Variants in NSUN6 observed in about 807,000 individuals in gnomAD.
The protein encoded by NSUN6 is tRNA (cytosine(72)-C(5))-methyltransferase NSUN6.
A neutral mutation model predicts 58.0 loss-of-function variants in NSUN6; 64 were observed. The ratio of observed to expected loss-of-function variants is 1.10; its 90% CI spans 0.90 to 1.36. The LOEUF (loss-of-function observed/expected upper bound fraction) is 1.36. Ranked by LOEUF, NSUN6 falls within the 40% of genes most tolerant of loss-of-function variation. The pLI, the probability that NSUN6 is intolerant of heterozygous loss-of-function variation, is 0.00. For missense variants in NSUN6, 701 were observed against 550.1 expected (o/e 1.27, Z -2.74); for synonymous variants, 231 against 193.9 (o/e 1.19, Z -1.59).
At chr10:18,653,909 G>A (rs936642805), upstream of NSUN6, among the ~76,000 whole-genome samples, 6 of 152,148 alleles carry the variant, frequency 3.9e-5, no homozygotes, top group African/African-American at 1.4e-4. Flanking sequence ...GGGGAACTCA[G>A]GGAGGACTGA....
At chr10:18,635,611 TG>T (rs1463843665) in intron 3 of NSUN6, among the ~76,000 whole-genome samples, 1 of 151,926 alleles carries the variant, frequency 6.6e-6, no homozygotes, top group Non-Finnish European at 1.5e-5. Flanking sequence ...CCAAGGTGGG[TG>T]GATCACCTGA....
At chr10:18,581,320 AAC>A (rs1355677245) in intron 8 of NSUN6, among the ~76,000 whole-genome samples, 1 of 152,180 alleles carries the variant, frequency 6.6e-6, no homozygotes, top group Non-Finnish European at 1.5e-5. Flanking sequence ...TGCTGATAAA[AAC>A]AGTTTGCAAT....
At chr10:18,621,904 A>G (rs927574645) in intron 3 of NSUN6, among the ~76,000 whole-genome samples, 5 of 152,192 alleles carry the variant, frequency 3.3e-5, no homozygotes, top group African/African-American at 1.2e-4. Context: ...AGCACATGAT[A>G]TTGCTGCATG....
At position 18,587,629 on chromosome 10, in the gene NSUN6, C is replaced by A. The variant is rs190865612; in HGVS notation, c.778-1536G>T. The stretch of plus-strand genomic sequence containing the variant: ...GGGACTGGTTAGGCAGTGGGTGCAA[C>A]GCACGGACAGCCAGCAGAAATAGGA... On this transcript the variant is annotated intron_variant, in intron 7 of 10. Transcript: ENST00000377304. 8.1e-4 allele frequency among the ~76,000 whole-genome samples: 124 copies of A among 152,154 alleles called. 2 individuals are homozygous for A. Among genetic ancestry groups the A allele is most frequent in the African/African-American group, 2.8e-3 (116 of 41,510 alleles).
intron 7 of NSUN6, among the ~76,000 whole-genome samples, chr10:18,588,542 C>T (rs528189542): frequency 2.0e-5 from 3 of 152,258 alleles, no homozygotes; most frequent in South Asian, 2.1e-4. Context: ...CAGCTAGCAT[C>T]GGGCCAGTGC....
chr10:18,612,255 T>C (rs1280056951), intron 5 of NSUN6, among the ~76,000 whole-genome samples: 2 of 151,720 alleles, frequency 1.3e-5, no homozygotes, highest in African/African-American at 4.8e-5. Context: ...CCCATTTCTA[T>C]GAAAAAAAAA....
At chr10:18,620,707 T>C (rs1316122017) in intron 3 of NSUN6, among the ~76,000 whole-genome samples, 1 of 152,234 alleles carries the variant, frequency 6.6e-6, no homozygotes, top group African/African-American at 2.4e-5. Context: ...TTCTTTGTAC[T>C]CAGTCCTTCC....
intron 7 of NSUN6, among the ~76,000 whole-genome samples, 178 bp from the exon 8 acceptor site, chr10:18,586,271 T>C (rs1368672663): frequency 2.0e-5 from 3 of 152,212 alleles, no homozygotes; most frequent in Non-Finnish European, 4.4e-5. Flanking sequence ...TTATTCCTTC[T>C]GGTGGGTTCT....
chr10:18,652,278 T>A (rs1444036567), upstream of NSUN6: 5 of 984,708 alleles, frequency 5.1e-6, no homozygotes, highest in Admixed American at 3.1e-4. Context: ...AACGAGGATA[T>A]CTAACCAAAC....
intron 6 of NSUN6, among the ~76,000 whole-genome samples, chr10:18,604,834 C>T (rs1445886657): frequency 2.0e-5 from 3 of 150,586 alleles, no homozygotes; most frequent in East Asian, 2.0e-4. Context: ...TGCAGTGAGC[C>T]GAGATCGTGA....
chr10:18,620,400 A>C (rs544120955), intron 3 of NSUN6, among the ~76,000 whole-genome samples: 29 of 152,232 alleles, frequency 1.9e-4, no homozygotes, highest in African/African-American at 6.7e-4. Context: ...AAAATTCTTT[A>C]GCTTCTTAAG....
intron 8 of NSUN6, among the ~76,000 whole-genome samples, chr10:18,572,855 G>GCATTTCATTCCATTCCTTTCTC (rs2056448644): frequency 8.3e-6 from 1 of 120,960 alleles, no homozygotes; most frequent in African/African-American, 3.3e-5. Flanking sequence ...ATTCCTTTCT[G>GCATTTCATTCCATTCCTTTCTC]CATTTCATTC....
chr10:18,601,721 G>A (rs926810768), intron 6 of NSUN6, among the ~76,000 whole-genome samples: 2 of 152,094 alleles, frequency 1.3e-5, no homozygotes, highest in Non-Finnish European at 2.9e-5. Context: ...GGTGGCTCAT[G>A]CCTGTAATCC....
At chr10:18,580,280 C>T (rs955603721) in intron 8 of NSUN6, among the ~76,000 whole-genome samples, 18 of 152,138 alleles carry the variant, frequency 1.2e-4, no homozygotes, top group African/African-American at 4.3e-4. Context: ...TGCCATGACC[C>T]GCTCTTTTCT....
intron 4 of NSUN6, among the ~76,000 whole-genome samples, chr10:18,615,822 T>G (rs983092446): frequency 9.9e-5 from 15 of 152,196 alleles, no homozygotes; most frequent in African/African-American, 3.4e-4. Context: ...ATCCCAATGT[T>G]CAGAGTCCAG....
chr10:18,649,403 G>A (rs2131603016), intron 1 of NSUN6, among the ~76,000 whole-genome samples: 1 of 152,154 alleles, frequency 6.6e-6, no homozygotes, highest in Admixed American at 6.5e-5. Flanking sequence ...CTTTCTCAAG[G>A]TTTAGTCTTA....
intron 5 of NSUN6, among the ~76,000 whole-genome samples, chr10:18,612,789 G>A (rs1268299479): frequency 6.6e-6 from 1 of 152,102 alleles, no homozygotes. Context: ...AAATACTTTT[G>A]TAGCCACATA....
intron 3 of NSUN6, among the ~76,000 whole-genome samples, chr10:18,641,177 T>C (rs995996025): frequency 1.3e-5 from 2 of 152,102 alleles, no homozygotes. Context: ...AAATCATAGT[T>C]TATTAAACCA....
At position 18,604,518 on chromosome 10, in the gene NSUN6, T is replaced by G. The variant is rs143230737; in HGVS notation, c.657+5327A>C. ...TTGTTAGAAATACAGAATCGCAGAA[T>G]CCACTCCAGACTTATGAATCAGAAT... On this transcript the variant is annotated intron_variant, in intron 6 of 10. Coordinates refer to ENST00000377304, the MANE Select transcript of NSUN6 (RefSeq NM_182543.5). Among the ~76,000 whole-genome samples, 619 of 152,218 alleles carry G rather than the reference T, an allele frequency of 4.1e-3. 7 individuals carry two copies. The highest frequency in any genetic ancestry group is 0.014 in the African/African-American group (575 of 41,534).
Sources: gnomAD v4.1 joint callset for allele counts (sites outside exome capture counted in the v4.1 genomes callset) on GRCh38, gnomAD v4.1.1 for gene constraint, MANE v1.5 for transcripts, NCBI Gene and HGNC (gene_info 2026-07-23, HGNC 2026-07-21) for gene names.